Variants in PRDM7 observed in about 807,000 individuals in gnomAD.
PRDM7 encodes PR/SET domain 7, also known as histone-lysine N-methyltransferase PRDM7.
PRDM7 carries 52 observed loss-of-function variants against 64.3 expected under a neutral mutation model. The observed-to-expected ratio is 0.81, with a 90% CI of 0.65 to 1.02. PRDM7 has a LOEUF of 1.02. Ranked by LOEUF, PRDM7 falls within the 50% of genes least tolerant of loss-of-function variation. PRDM7 has a pLI of 0.00. For missense variants in PRDM7, 574 were observed against 597.1 expected, an observed-to-expected ratio of 0.96 and a Z score of 0.40; for synonymous variants, 192 against 210.1, an observed-to-expected ratio of 0.91 and a Z score of 0.74.
rs368280792 is a variant in PRDM7 at position 90,075,511 on chromosome 16, A to G, written c.70-37T>C. On this transcript the variant is annotated intron_variant, in intron 2 of 10. Coordinates refer to ENST00000449207, the MANE Select transcript of PRDM7 (RefSeq NM_001098173.2). The surrounding 1 kb of genome is among the most constrained non-coding windows in gnomAD (Gnocchi z 4.3). ...AACAGATTCCATCAGTGATTTACTA[A>G]TACACATCGAGCTGGTCCTTTTCCT... 4.3e-6 allele frequency: 7 copies of G among 1,614,034 alleles called. No individual in the cohort carries two copies. Among genetic ancestry groups the G allele is most frequent in the Non-Finnish European group, 5.9e-6 (7 of 1,180,018 alleles).
intron 9 of PRDM7, 94 bp from the exon 10 acceptor site, chr16:90,060,717 G>T: frequency 1.3e-6 from 2 of 1,553,304 alleles, no homozygotes; most frequent in East Asian, 2.2e-5. Context: ...ATGCTTCCCT[G>T]CTGTGCCTAA....
intron 6 of PRDM7, among the ~76,000 whole-genome samples, chr16:90,063,346 G>C (rs2037814232): frequency 6.6e-6 from 1 of 152,172 alleles, no homozygotes; most frequent in Non-Finnish European, 1.5e-5. Context: ...ACTGAGGCAT[G>C]AAAATCGCTA....
At position 90,074,947 on chromosome 16, in the gene PRDM7, A is replaced by C. The variant is rs12925933; in HGVS notation, c.270T>G (p.Asp90Glu). The change falls in exon 4 of 11, where the codon GAT becomes GAG. Residue 90 changes from aspartate to glutamate, a missense_variant. Transcript: ENST00000449207. ...GCCTAGGTGTCCATTCTTCATCGGA[A>C]TCTTCTGTGTCATCCACCTGGAGTT... ...AIKLQVDDTE[D>E]SDEEWTPRQQ... is the part of the protein sequence containing the mutation. 1,001,356 of 1,613,548 alleles carry C rather than the reference A, an allele frequency of 0.62. 325,159 individuals carry two copies. The highest frequency in any genetic ancestry group is 0.73 in the Middle Eastern group (4,442 of 6,062).
At chr16:90,059,079 A>C (rs1179924250) in intron 10 of PRDM7, among the ~76,000 whole-genome samples, 2 of 152,250 alleles carry the variant, frequency 1.3e-5, no homozygotes, top group East Asian at 3.8e-4. Flanking sequence ...GAGATGTGTT[A>C]GCAAATCTGA....
chr16:90,073,997 G>A (rs1418326715), intron 4 of PRDM7, among the ~76,000 whole-genome samples: 3 of 151,558 alleles, frequency 2.0e-5, no homozygotes, highest in East Asian at 4.0e-4. Context: ...TGTTGGCTAG[G>A]CTTGTCTCAA....
chr16:90,068,486 T>G (rs1328763249), intron 4 of PRDM7, among the ~76,000 whole-genome samples: 1 of 149,578 alleles, frequency 6.7e-6, no homozygotes, highest in Non-Finnish European at 1.5e-5. Flanking sequence ...ATACAAAAAA[T>G]TAGCTGGGTG....
intron 4 of PRDM7, among the ~76,000 whole-genome samples, chr16:90,073,147 G>A (rs2037985755): frequency 6.6e-6 from 1 of 152,098 alleles, no homozygotes. Context: ...TCTCAAACCC[G>A]CTCCAGAATC....
At chr16:90,069,103 C>A (rs917216056) in intron 4 of PRDM7, among the ~76,000 whole-genome samples, 4 of 151,250 alleles carry the variant, frequency 2.6e-5, no homozygotes, top group Non-Finnish European at 5.9e-5. Flanking sequence ...TTCCTGATTT[C>A]AAAGCATATT....
intron 8 of PRDM7, among the ~76,000 whole-genome samples, 187 bp downstream of exon 8, chr16:90,061,734 A>G (rs1412817001): frequency 6.6e-6 from 1 of 152,214 alleles, no homozygotes; most frequent in Non-Finnish European, 1.5e-5. Flanking sequence ...TTGTCTTTGT[A>G]CCACTCTGCT....
chr16:90,065,209 C>T (rs1345545625), intron 5 of PRDM7, among the ~76,000 whole-genome samples: 1 of 147,188 alleles, frequency 6.8e-6, no homozygotes, highest in Non-Finnish European at 1.5e-5. Flanking sequence ...TGAGACCAGT[C>T]TGGCCAACCC....
chr16:90,058,803 C>A lies in PRDM7; in HGVS notation c.1234-269G>T, dbSNP rs571787395. On this transcript the variant is annotated intron_variant, in intron 10 of 10. Coordinates refer to ENST00000449207, the MANE Select transcript of PRDM7 (RefSeq NM_001098173.2). The stretch of plus-strand genomic sequence containing the variant: ...CCTCAAGCAGCATCAGGGGCAGCAT[C>A]ATTCCTTACATAGATGGAACTGCAG... Among the ~76,000 whole-genome samples the A allele has an allele frequency of 2.0e-5, 3 of 152,292 alleles. No individual in the cohort carries two copies. In the South Asian group the frequency reaches 6.2e-4, roughly 32 times the overall value.
In PRDM7 at chr16:90,056,605, A is replaced by C. The variant is rs572712817; in HGVS notation, c.*1684T>G. 6.6e-6 allele frequency: 1 copy of C among 152,332 alleles called. No individual in the cohort carries two copies. Among genetic ancestry groups the C allele is most frequent in the Admixed American group, 6.5e-5 (1 of 15,300 alleles). The allele number at this position is 152,332 out of a possible 1,614,324, so 9.4% of individuals were successfully genotyped here. On this transcript the variant is annotated 3_prime_UTR_variant, in exon 11 of 11. Coordinates refer to ENST00000449207, the MANE Select transcript of PRDM7 (RefSeq NM_001098173.2). Reference sequence around the variant, plus strand: ...GGTTTATTCGGCCAGGAGCATCAGCAAGACTGCTGTCTCAAGAGCCGAGCT... The same window carrying C: ...GGTTTATTCGGCCAGGAGCATCAGCCAGACTGCTGTCTCAAGAGCCGAGCT...
Position 90,061,925 on chromosome 16 carries a change from C to T in PRDM7, c.878G>A (p.Trp293Ter), listed in dbSNP as rs1342393256. The change falls in exon 8 of 11, where the codon TGG (tryptophan) becomes TAG (stop). Residue 293 changes from tryptophan (W) to a stop codon, truncating the protein, a stop_gained. Coordinates refer to ENST00000449207, the MANE Select transcript of PRDM7 (RefSeq NM_001098173.2). LOFTEE classifies it high-confidence loss of function. ...DEEAANSGYSWLITKGRNCYE... is the reference protein window; with the variant it reads ...DEEAANSGYS Reference sequence around the variant, plus strand: ...GAAACAGCAGGCTCTTCTTACTAGCCAGGAATATCCACTGTTGGCTGCCTC... The same window carrying T: ...GAAACAGCAGGCTCTTCTTACTAGCTAGGAATATCCACTGTTGGCTGCCTC... 1.2e-6 allele frequency: 2 copies of T among 1,614,266 alleles called. No homozygotes were observed. The highest frequency in any genetic ancestry group is 4.5e-5 in the East Asian group (2 of 44,892).
Position 90,075,006 on chromosome 16 carries a change from G to C in PRDM7, c.211C>G (p.Pro71Ala). ...LITVGLRATR[P>A]AFMCHRRQAI... ...TGCCTTCGGTGACACATGAAAGCTG[G>C]TCGAGTGGCTCTGAGACCTGAAAAG... Residue 71 changes from proline (P) to alanine (A), a missense_variant, in exon 4 of 11, where the codon CCA becomes GCA. Pro to Ala is a conservative substitution (Grantham distance 27). Transcript: ENST00000449207. The surrounding 1 kb of genome is among the most constrained non-coding windows in gnomAD (Gnocchi z 4.3). 1 of 1,614,126 alleles carries C rather than the reference G, an allele frequency of 6.2e-7. No homozygotes were observed. The highest frequency in any genetic ancestry group is 1.3e-5 in the African/African-American group (1 of 75,020).
At chr16:90,060,915 C>T (rs2037765545) in intron 9 of PRDM7, among the ~76,000 whole-genome samples, 2 of 152,224 alleles carry the variant, frequency 1.3e-5, no homozygotes, top group Admixed American at 6.5e-5. Context: ...GTCCATCTTT[C>T]TTTGACAGGC....
At chr16:90,067,393 A>G (rs2037892688) in intron 4 of PRDM7, among the ~76,000 whole-genome samples, 2 of 151,116 alleles carry the variant, frequency 1.3e-5, no homozygotes, top group Non-Finnish European at 2.9e-5. Context: ...TATTGGGGGC[A>G]TTGCTAATTT....
intron 4 of PRDM7, among the ~76,000 whole-genome samples, chr16:90,072,245 A>G (rs1265757038): frequency 1.3e-5 from 2 of 151,726 alleles, no homozygotes; most frequent in Admixed American, 6.6e-5. Flanking sequence ...AAAAAAAAAA[A>G]GAATTAAAAA....
At chr16:90,067,911 C>T (rs747374840) in intron 4 of PRDM7, among the ~76,000 whole-genome samples, 6 of 151,224 alleles carry the variant, frequency 4.0e-5, no homozygotes, top group African/African-American at 9.8e-5. Flanking sequence ...TTTTTAACAT[C>T]ATAGTCGATG....
rs2038013272 is a variant in PRDM7 at position 90,074,902 on chromosome 16, C to T, written c.301+14G>A. 6.2e-7 allele frequency: 1 copy of T among 1,611,910 alleles called. No individual in the cohort carries two copies. The highest frequency in any genetic ancestry group is 1.7e-5 in the Admixed American group (1 of 59,950). ...CTTTAAAAAAAAAAAAATCCTCCTT[C>T]CCTTCCCTCTTACCTTGCTGCCTAG... On this transcript the variant is annotated intron_variant, in intron 4 of 10. Transcript: ENST00000449207.
Sources: allele counts gnomAD v4.1 joint callset (sites outside exome capture counted in the v4.1 genomes callset), GRCh38; gene constraint gnomAD v4.1.1; non-coding constraint Gnocchi (gnomAD v3.1); transcripts MANE v1.5; gene names NCBI Gene and HGNC (gene_info 2026-07-23, HGNC 2026-07-21).